Variants in LINGO2 observed in about 807,000 individuals in gnomAD.
The protein encoded by LINGO2 is leucine rich repeat and Ig domain containing 2.
Under a neutral mutation model 30.6 loss-of-function variants are expected in LINGO2, and 14 were observed. That is an observed-to-expected ratio of 0.46 (90% CI 0.30 to 0.72). The LOEUF is 0.72. LINGO2 is among the 30% of genes least tolerant of loss of function. LINGO2 has a pLI of 0.07. For synonymous variants in LINGO2, 317 were observed against 288.5 expected, an observed-to-expected ratio of 1.10 and a Z score of -1.00; for missense variants, 729 against 751.7, an observed-to-expected ratio of 0.97 and a Z score of 0.35.
the LINGO2 span, among the ~76,000 whole-genome samples, chr9:28,717,014 T>C: frequency 6.6e-6 from 1 of 152,058 alleles, no homozygotes; most frequent in African/African-American, 2.4e-5. Flanking sequence ...ATTGAAAATT[T>C]AATATAAGCT....
the LINGO2 span, among the ~76,000 whole-genome samples, chr9:28,744,641 T>TGTGTGTGTGTGTGTGTGTGTGTG: frequency 1.9e-5 from 2 of 104,048 alleles, no homozygotes; most frequent in Non-Finnish European, 3.9e-5. Flanking sequence ...TGTGTGTGTA[T>TGTGTGTGTGTGTGTGTGTGTGTG]TTTTTTTTTT....
At chr9:28,881,696 A>T in the LINGO2 span, among the ~76,000 whole-genome samples, 2 of 151,654 alleles carry the variant, frequency 1.3e-5, no homozygotes, top group African/African-American at 4.8e-5. Context: ...GATTTGTTAC[A>T]TAAGTAAACG....
At chr9:28,066,459 C>T (rs1446596974) in intron 4 of LINGO2, among the ~76,000 whole-genome samples, 3 of 152,072 alleles carry the variant, frequency 2.0e-5, no homozygotes, top group Non-Finnish European at 2.9e-5. Context: ...CCACTGGGCT[C>T]TTTGTGGTCC....
chr9:27,941,187 T>A, the LINGO2 span: 42,125 of 152,128 alleles, frequency 0.28, 6,400 homozygotes, highest in Middle Eastern at 0.44. Flanking sequence ...CTGTAATCCC[T>A]GCACTTTGGG....
intron 4 of LINGO2, among the ~76,000 whole-genome samples, chr9:28,162,788 A>C (rs1420835768): frequency 6.6e-6 from 1 of 152,144 alleles, no homozygotes; most frequent in Non-Finnish European, 1.5e-5. Flanking sequence ...TATCACTTAC[A>C]TGGGACTTAA....
At position 28,148,405 on chromosome 9, in the gene LINGO2, G is replaced by A. The variant is rs938453571; in HGVS notation, c.-86-136000C>T. ...TTCAACTTCCTTCATTAGATGAGCA[G>A]GTGATCCCAGCCAGGCTCCCGAAGA... On this transcript the variant is annotated intron_variant, in intron 4 of 5. Coordinates refer to ENST00000379992, the Ensembl canonical transcript of LINGO2. This position sits in a 1 kb window ranked among gnomAD's most constrained non-coding sequence, Gnocchi z 5.1. The A allele has an allele frequency of 1.1e-4, 144 of 1,291,960 alleles. No homozygotes were observed. The African/African-American group carries it at 2.0e-3, about 18-fold the overall frequency. 80.0% of individuals were successfully genotyped at this position (1,291,960 alleles called of 1,614,324 possible).
At chr9:28,748,357 C>G in the LINGO2 span, among the ~76,000 whole-genome samples, 2,526 of 148,774 alleles carry the variant, frequency 0.017, 84 homozygotes, top group African/African-American at 0.06. Flanking sequence ...AGAATAATCC[C>G]TAGATATTTA....
intron 2 of LINGO2, among the ~76,000 whole-genome samples, chr9:28,433,421 G>A (rs183360845): frequency 6.6e-6 from 1 of 152,242 alleles, no homozygotes; most frequent in East Asian, 1.9e-4. Flanking sequence ...AAGCAGATAA[G>A]TAAGAAACGT....
rs924487017 is a variant in LINGO2 at position 28,401,405 on chromosome 9, T to A, written c.-278-28537A>T. ...TGTGGTGTTTGGTTTTTGGTTTCTG[T>A]GTTAGTTTGCTGAGGATGATGGCTT... On this transcript the variant is annotated intron_variant, in intron 2 of 5. Coordinates refer to ENST00000379992, the Ensembl canonical transcript of LINGO2. Among the ~76,000 whole-genome samples, 7 of 152,150 alleles carry A rather than the reference T, an allele frequency of 4.6e-5. No individual in the cohort carries two copies. In the South Asian group the frequency reaches 1.5e-3, roughly 32 times the overall value.
intron 2 of LINGO2, among the ~76,000 whole-genome samples, chr9:28,394,816 A>G (rs144625965): frequency 6.6e-6 from 1 of 152,380 alleles, no homozygotes; most frequent in East Asian, 1.9e-4. Context: ...AATTGAACAC[A>G]GTGTAGCTAA....
intron 4 of LINGO2, among the ~76,000 whole-genome samples, chr9:28,291,445 G>A (rs1464078148): frequency 6.6e-6 from 1 of 152,156 alleles, no homozygotes; most frequent in African/African-American, 2.4e-5. Context: ...CAGTTCTAGG[G>A]AACAGGGATA....
chr9:28,145,679 C>CCT (rs574129373), intron 4 of LINGO2, among the ~76,000 whole-genome samples: 47 of 151,992 alleles, frequency 3.1e-4, no homozygotes, highest in Non-Finnish European at 5.4e-4. Context: ...CCTCCTTCTC[C>CCT]CTCTCTCTCT....
rs563188220 is a variant in LINGO2, at chr9:28,529,148, G to A, written c.-364-53123C>T. ...GGGAACTACAGAGACCATAAACATCGTAATGACCCATTCTCCTTCCAGTAC... is the reference window on the plus strand; with the variant it reads ...GGGAACTACAGAGACCATAAACATCATAATGACCCATTCTCCTTCCAGTAC... On this transcript the variant is annotated intron_variant, in intron 1 of 5. Coordinates refer to ENST00000379992, the Ensembl canonical transcript of LINGO2. Among the ~76,000 whole-genome samples the A allele has an allele frequency of 2.6e-5, 4 of 152,192 alleles. 1 individual carries two copies. Among genetic ancestry groups the A allele is most frequent in the South Asian group, 4.1e-4 (2 of 4,822 alleles).
the LINGO2 span, among the ~76,000 whole-genome samples, chr9:29,069,187 G>A: frequency 2.6e-5 from 4 of 151,822 alleles, no homozygotes; most frequent in South Asian, 4.1e-4. Context: ...ATCCAAAACA[G>A]GTTCTCCTAT....
At chr9:28,929,108 T>A in the LINGO2 span, among the ~76,000 whole-genome samples, 1 of 152,202 alleles carries the variant, frequency 6.6e-6, no homozygotes, top group African/African-American at 2.4e-5. Flanking sequence ...TATTTTGAGA[T>A]ATTTACTTGT....
At chr9:28,315,380 C>A (rs1247090677) in intron 3 of LINGO2, among the ~76,000 whole-genome samples, 1 of 147,264 alleles carries the variant, frequency 6.8e-6, no homozygotes, top group South Asian at 2.2e-4. Flanking sequence ...CCAGTCTGGG[C>A]GACAGAGGGA....
intron 4 of LINGO2, among the ~76,000 whole-genome samples, chr9:28,261,942 T>G (rs1373857639): frequency 6.6e-6 from 1 of 151,982 alleles, no homozygotes; most frequent in East Asian, 1.9e-4. Context: ...ACAAGGCACG[T>G]AATTACTTTC....
At chr9:29,119,130 G>A in the LINGO2 span, among the ~76,000 whole-genome samples, 7 of 151,970 alleles carry the variant, frequency 4.6e-5, no homozygotes, top group Non-Finnish European at 7.4e-5. Context: ...CTGCCCATGC[G>A]ATGGCCAGGG....
chr9:28,227,159 T>A (rs1234666872), intron 4 of LINGO2, among the ~76,000 whole-genome samples: 1 of 152,084 alleles, frequency 6.6e-6, no homozygotes, highest in East Asian at 1.9e-4. Flanking sequence ...TGCCTTCCAA[T>A]GTACAGATCA....
Sources: gnomAD v4.1 joint callset for allele counts (sites outside exome capture counted in the v4.1 genomes callset) on GRCh38, gnomAD v4.1.1 for gene constraint, Gnocchi (gnomAD v3.1) non-coding constraint, MANE v1.5 for transcripts, NCBI Gene and HGNC (gene_info 2026-07-23, HGNC 2026-07-21) for gene names.